The following RDX variants were observed in gnomAD, a reference collection of about 807,000 sequenced individuals.
RDX encodes deafness, autosomal recessive 24.
A neutral mutation model predicts 83.7 loss-of-function variants in RDX; 32 were observed. That is an observed-to-expected ratio of 0.38 (90% CI 0.29 to 0.51). The LOEUF (loss-of-function observed/expected upper bound fraction) is 0.51, where lower values mean the gene tolerates loss of function less well. Ranked by LOEUF, RDX falls within the 20% of genes least tolerant of loss-of-function variation. The pLI, the probability that RDX is intolerant of heterozygous loss-of-function variation, is 0.87. For synonymous variants in RDX, 229 were observed against 222.7 expected (o/e 1.03, Z -0.25); for missense variants, 600 against 689.9 (o/e 0.87, Z 1.46).
intron 10 of RDX, among the ~76,000 whole-genome samples, chr11:110,240,079 T>A (rs1865022280): frequency 6.6e-6 from 1 of 152,044 alleles, no homozygotes; most frequent in African/African-American, 2.4e-5. Flanking sequence ...ACAAAGGAAA[T>A]CAATATATTG....
Position 110,247,760 on chromosome 11 carries a change from C to T in RDX, c.1033G>A (p.Glu345Lys), listed in dbSNP as rs775152694. 1 of 1,611,126 alleles carries T rather than the reference C, an allele frequency of 6.2e-7. No individual in the cohort carries two copies. The highest frequency in any genetic ancestry group is 8.5e-7 in the Non-Finnish European group (1 of 1,178,804). The change falls in exon 10 of 14, where the codon GAA becomes AAA. Residue 345 changes from glutamate to lysine, a missense_variant. Physicochemically the swap from Glu to Lys is moderately conservative, Grantham distance 56. Coordinates refer to ENST00000645495, the MANE Select transcript of RDX (RefSeq NM_002906.4). Reference sequence around the variant, plus strand: ...TGTTTTAGACGTTCCATTAGCTCTTCCTTTTCACGTTCTATTCTTTCCTTT... The same window carrying T: ...TGTTTTAGACGTTCCATTAGCTCTTTCTTTTCACGTTCTATTCTTTCCTTT... The part of the protein sequence containing the change: ...KEKERIEREK[E>K]ELMERLKQIE...
chr11:110,216,819 G>A (rs1864071997), intron 14 of RDX, among the ~76,000 whole-genome samples: 2 of 152,096 alleles, frequency 1.3e-5, no homozygotes, highest in Admixed American at 6.5e-5. Context: ...CACTGAAATA[G>A]CTGACATGTA....
chr11:110,201,903 TTGTGTGTGTGTGTGTGTGTGTG>T (rs141731309), intron 14 of RDX, among the ~76,000 whole-genome samples: 11 of 137,326 alleles, frequency 8.0e-5, no homozygotes, highest in East Asian at 2.2e-4. Context: ...CCGGCTAATT[TTGTGTGTGTGTGTGTGTGTGTG>T]TGTGTGTGTG....
intron 2 of RDX, among the ~76,000 whole-genome samples, chr11:110,278,728 C>T (rs898657120): frequency 6.6e-6 from 1 of 151,476 alleles, no homozygotes; most frequent in Admixed American, 6.6e-5. Flanking sequence ...ATTCTTCTCT[C>T]CCTCTAACAA....
intron 14 of RDX, among the ~76,000 whole-genome samples, chr11:110,202,077 G>A (rs989323089): frequency 6.6e-6 from 1 of 151,932 alleles, no homozygotes; most frequent in African/African-American, 2.4e-5. Flanking sequence ...ACTGCGCCCG[G>A]CCTAGTTTAA....
chr11:110,188,654 G>A (rs1863036278), intron 15 of RDX, among the ~76,000 whole-genome samples: 1 of 152,106 alleles, frequency 6.6e-6, no homozygotes, highest in South Asian at 2.1e-4. Context: ...CTAACAGGGA[G>A]CTTCTCAGCA....
chr11:110,206,515 G>A (rs925978498), intron 14 of RDX, among the ~76,000 whole-genome samples: 1 of 152,134 alleles, frequency 6.6e-6, no homozygotes, highest in African/African-American at 2.4e-5. Flanking sequence ...AACACAGATA[G>A]TAAAAGCTAA....
chr11:110,213,061 C>T lies in RDX; in HGVS notation c.1749-13383G>A, dbSNP rs1277562903. 3.7e-3 allele frequency among the ~76,000 whole-genome samples: 546 copies of T among 147,986 alleles called. 3 individuals are homozygous for T. Among genetic ancestry groups the T allele is most frequent in the African/African-American group, 0.013 (512 of 39,268 alleles). On this transcript the variant is annotated intron_variant, in intron 14 of 15. Coordinates refer to the RDX transcript ENST00000528498. ...AAGTCAAATTGTCCCTGTTTGCAGACAACATGATTGTATATCTAGAAAACC... is the reference window on the plus strand; with the variant it reads ...AAGTCAAATTGTCCCTGTTTGCAGATAACATGATTGTATATCTAGAAAACC...
At chr11:110,226,220 G>A (rs576559525), downstream of RDX, among the ~76,000 whole-genome samples, 15 of 152,206 alleles carry the variant, frequency 9.9e-5, no homozygotes, top group East Asian at 1.5e-3. Context: ...AAATGATAGC[G>A]GTAATTTAAG....
chr11:110,253,413 A>G (rs1859414904), intron 9 of RDX, among the ~76,000 whole-genome samples: 1 of 152,190 alleles, frequency 6.6e-6, no homozygotes, highest in Admixed American at 6.5e-5. Context: ...CAGGGTTGAT[A>G]TAAATTTTAT....
chr11:110,228,201 T>C (rs1394458031), downstream of RDX, among the ~76,000 whole-genome samples: 2 of 152,044 alleles, frequency 1.3e-5, no homozygotes, highest in Non-Finnish European at 1.5e-5. Context: ...ATATGGAACA[T>C]GATTGTGAGC....
At chr11:110,263,908 C>G in intron 5 of RDX, 52 bp downstream of exon 5, 1 of 1,489,850 alleles carries the variant, frequency 6.7e-7, no homozygotes, top group Non-Finnish European at 9.3e-7. Context: ...TATTTATAGA[C>G]TTCTAGAATA....
chr11:110,226,638 T>C (rs748786027), downstream of RDX, among the ~76,000 whole-genome samples: 1 of 152,216 alleles, frequency 6.6e-6, no homozygotes, highest in East Asian at 1.9e-4. Context: ...ATTTTATGTA[T>C]ATTTTACCAT....
chr11:110,179,918 T>TC, intron 15 of RDX: 1 of 424,284 alleles, frequency 2.4e-6, no homozygotes, highest in South Asian at 1.7e-5. Context: ...TTTTTTTTTT[T>TC]TGAGACAGAG....
At chr11:110,292,738 G>C (rs764578924) in intron 1 of RDX, among the ~76,000 whole-genome samples, 4 of 151,408 alleles carry the variant, frequency 2.6e-5, no homozygotes, top group Admixed American at 6.6e-5. Context: ...ATTACTAATA[G>C]CTTTATAAAT....
intron 9 of RDX, among the ~76,000 whole-genome samples, chr11:110,250,710 T>C (rs1242428515): frequency 6.6e-6 from 1 of 152,172 alleles, no homozygotes; most frequent in Non-Finnish European, 1.5e-5. Context: ...GGGAATGGTC[T>C]TCCTACTGAA....
At chr11:110,189,840 T>C (rs1863069200) in intron 15 of RDX, among the ~76,000 whole-genome samples, 1 of 152,144 alleles carries the variant, frequency 6.6e-6, no homozygotes, top group African/African-American at 2.4e-5. Flanking sequence ...TCCCACCACT[T>C]TGGGAGGCCG....
In RDX at chr11:110,255,350, A is replaced by T; in HGVS notation, c.734T>A (p.Ile245Asn). Residue 245 changes from isoleucine to asparagine, a missense_variant, in exon 8 of 14, where the codon ATC becomes AAC. Coordinates refer to ENST00000645495, the MANE Select transcript of RDX (RefSeq NM_002906.4). Reference protein sequence around the residue: ...TPKIGFPWSEIRNISFNDKKF... With the variant: ...TPKIGFPWSENRNISFNDKKF... The stretch of plus-strand genomic sequence containing the variant: ...TTTGTCATTAAATGAAATATTTCTG[A>T]TTTCACTCCAGGGAAAACCAATTTT... The T allele has an allele frequency of 4.4e-6, 7 of 1,593,944 alleles. No individual in the cohort carries two copies. The highest frequency in any genetic ancestry group is 6.0e-6 in the Non-Finnish European group (7 of 1,162,058).
intron 14 of RDX, among the ~76,000 whole-genome samples, chr11:110,211,395 A>G (rs937275044): frequency 2.6e-5 from 4 of 151,114 alleles, no homozygotes; most frequent in African/African-American, 4.9e-5. Context: ...GGAGACTTTA[A>G]CACCCCACTG....
Sources: allele counts gnomAD v4.1 joint callset (sites outside exome capture counted in the v4.1 genomes callset), GRCh38; gene constraint gnomAD v4.1.1; transcripts MANE v1.5; gene names NCBI Gene and HGNC (gene_info 2026-07-23, HGNC 2026-07-21).